SOS2: variants seen among roughly 807,000 people sequenced by gnomAD.
SOS2 encodes son of sevenless homolog 2.
In SOS2, 65 loss-of-function variants were observed where a neutral mutation model predicts 148.2. That is an observed-to-expected ratio of 0.44 (90% confidence interval 0.36 to 0.54). The LOEUF (loss-of-function observed/expected upper bound fraction) is 0.54. Among genes scored for constraint, SOS2 ranks in the 20% least tolerant of loss-of-function variants. The pLI, the probability that SOS2 is intolerant of heterozygous loss-of-function variation, is 0.00. For missense variants in SOS2, 1,341 were observed against 1,590.2 expected (o/e 0.84, Z 2.67); for synonymous variants, 539 against 537.1 (o/e 1.00, Z -0.05).
At chr14:50,201,361 T>C (rs1277237023) in intron 2 of SOS2, among the ~76,000 whole-genome samples, 1 of 151,788 alleles carries the variant, frequency 6.6e-6, no homozygotes, top group Non-Finnish European at 1.5e-5. Flanking sequence ...TGAAACCCCA[T>C]CTCTATTAAA....
Position 50,180,597 on chromosome 14 carries a change from C to A in SOS2, c.944G>T (p.Arg315Ile). The A allele has an allele frequency of 6.4e-7, 1 of 1,552,902 alleles. No homozygotes were observed. The highest frequency in any genetic ancestry group is 1.2e-5 in the South Asian group (1 of 86,594). ...FHEHFNKLMA[R>I]PAVALHFQSI... ...CTGAAAGTGTAGAGCAACTGCAGGTCTGGCCATCAATTTATTGAAATGTTC... is the reference window on the plus strand; with the variant it reads ...CTGAAAGTGTAGAGCAACTGCAGGTATGGCCATCAATTTATTGAAATGTTC... Residue 315 changes from arginine to isoleucine, a missense_variant, in exon 7 of 23, where the codon AGA becomes ATA. Coordinates refer to ENST00000216373, the MANE Select transcript of SOS2 (RefSeq NM_006939.4).
chr14:50,223,593 T>C (rs1431781060), intron 1 of SOS2, among the ~76,000 whole-genome samples: 2 of 151,984 alleles, frequency 1.3e-5, no homozygotes, highest in Non-Finnish European at 1.5e-5. Context: ...GAGAATCACT[T>C]GAACCTGAGA....
chr14:50,165,371 G>A (rs955213777), intron 8 of SOS2, among the ~76,000 whole-genome samples: 3 of 152,198 alleles, frequency 2.0e-5, no homozygotes, highest in South Asian at 2.1e-4. Flanking sequence ...CTAAGCATTT[G>A]TCTTTCATGA....
Position 50,231,370 on chromosome 14 carries a change from G to T in SOS2, c.-87C>A. ...GGCAGGGCGCGGGCCGCCTCGCCTCGCCGGCGGCCGCCGCCTCCCGCCCGG... is the reference window on the plus strand; with the variant it reads ...GGCAGGGCGCGGGCCGCCTCGCCTCTCCGGCGGCCGCCGCCTCCCGCCCGG... On this transcript the variant is annotated 5_prime_UTR_variant, in exon 1 of 23. Transcript: ENST00000216373. The T allele has an allele frequency of 2.6e-6, 1 of 378,796 alleles. No individual in the cohort carries two copies. Among genetic ancestry groups the T allele is most frequent in the Non-Finnish European group, 3.7e-6 (1 of 271,470 alleles). 23.5% of individuals were successfully genotyped at this position (378,796 alleles called of 1,614,324 possible).
At chr14:50,177,363 T>C (rs1885558295) in intron 7 of SOS2, among the ~76,000 whole-genome samples, 1 of 152,216 alleles carries the variant, frequency 6.6e-6, no homozygotes. Flanking sequence ...CTTCTAAAGA[T>C]GCTTTTTGTT....
chr14:50,123,468 G>A (rs559224258), intron 21 of SOS2, among the ~76,000 whole-genome samples: 4 of 137,208 alleles, frequency 2.9e-5, no homozygotes, highest in Admixed American at 1.7e-4. Context: ...TGCAACCTCC[G>A]CCTCCCGGAT....
intron 19 of SOS2, among the ~76,000 whole-genome samples, 185 bp downstream of exon 19, chr14:50,133,938 G>A (rs887973230): frequency 6.6e-6 from 1 of 151,790 alleles, no homozygotes; most frequent in Non-Finnish European, 1.5e-5. Flanking sequence ...ACCAAGATAA[G>A]GCATAAACCA....
chr14:50,225,504 A>G (rs1887341318), intron 1 of SOS2, among the ~76,000 whole-genome samples: 1 of 152,186 alleles, frequency 6.6e-6, no homozygotes, highest in Non-Finnish European at 1.5e-5. Context: ...TACCATACCA[A>G]AATTAAACCA....
At position 50,130,615 on chromosome 14, in the gene SOS2, C is replaced by G; in HGVS notation, c.3223G>C (p.Glu1075Gln). The change falls in exon 20 of 23, where the codon GAG (glutamate) becomes CAG (glutamine). Residue 1075 changes from glutamate to glutamine, a missense_variant. By Grantham distance (29) the Glu-to-Gln change is conservative. Coordinates refer to ENST00000216373, the MANE Select transcript of SOS2 (RefSeq NM_006939.4). ...KISFSRIAET[E>Q]LESTVSAPTS... ...GGTGCTGACACTGTTGATTCCAGCT[C>G]AGTTTCAGCAATCCGACTAAAGCTT... 6.2e-7 allele frequency: 1 copy of G among 1,614,140 alleles called. No homozygotes were observed. Among genetic ancestry groups the G allele is most frequent in the Non-Finnish European group, 8.5e-7 (1 of 1,180,010 alleles).
chr14:50,195,166 T>C (rs1448925696), intron 4 of SOS2, among the ~76,000 whole-genome samples: 4 of 152,148 alleles, frequency 2.6e-5, no homozygotes, highest in African/African-American at 9.7e-5. Context: ...TGTGGAACAG[T>C]CCTCGGGAGT....
intron 18 of SOS2, among the ~76,000 whole-genome samples, chr14:50,135,324 A>G (rs528302906): frequency 6.6e-6 from 1 of 151,610 alleles, no homozygotes; most frequent in East Asian, 1.9e-4. Context: ...TAAAATGTTT[A>G]AAATTTTTGT....
At chr14:50,181,071 C>T (rs1448507818) in intron 6 of SOS2, among the ~76,000 whole-genome samples, 2 of 152,248 alleles carry the variant, frequency 1.3e-5, no homozygotes, top group East Asian at 3.9e-4. Flanking sequence ...TGGAAGTGAA[C>T]GTGGCAAAGT....
At chr14:50,218,757 C>G (rs1164001070) in intron 1 of SOS2, among the ~76,000 whole-genome samples, 1 of 152,102 alleles carries the variant, frequency 6.6e-6, no homozygotes, top group East Asian at 1.9e-4. Context: ...AACAGGATCT[C>G]TTATATTGCT....
At chr14:50,149,920 A>G in intron 14 of SOS2, 88 bp downstream of exon 14, 1 of 913,314 alleles carries the variant, frequency 1.1e-6, no homozygotes, top group Non-Finnish European at 1.8e-6. Flanking sequence ...ATTTTTAAGC[A>G]CTCATGAATA....
chr14:50,199,893 C>CT, intron 3 of SOS2, 38 bp from the exon 4 acceptor site: 3 of 1,335,118 alleles, frequency 2.2e-6, no homozygotes, highest in Non-Finnish European at 3.1e-6. Context: ...CAAAATGTAG[C>CT]ACTGTCAAGT....
intron 18 of SOS2, among the ~76,000 whole-genome samples, chr14:50,136,271 T>C (rs370114768): frequency 2.0e-5 from 3 of 152,206 alleles, no homozygotes; most frequent in Admixed American, 1.3e-4. Context: ...GAAAAGTGAA[T>C]AGCTACTTTG....
intron 1 of SOS2, among the ~76,000 whole-genome samples, chr14:50,229,678 G>A (rs1268098082): frequency 6.6e-6 from 1 of 152,138 alleles, no homozygotes; most frequent in Non-Finnish European, 1.5e-5. Context: ...TCTGTTTCTG[G>A]ACATAAAGGA....
chr14:50,188,551 G>A lies in SOS2; in HGVS notation c.660C>T (p.Ile220=). ...GAAAGGCTTCTCGAAACACTTTTAT[G>A]ATCATATTTAATTCCCGTAGATACT... ...ERQYLRELNM[I]IKVFREAFLS... is the part of the protein sequence containing the mutation. Residue 220 remains isoleucine (I), a synonymous_variant, in exon 5 of 23, where the codon ATC becomes ATT. Transcript: ENST00000216373. The A allele has an allele frequency of 6.2e-7, 1 of 1,604,754 alleles. No individual in the cohort carries two copies. Among genetic ancestry groups the A allele is most frequent in the African/African-American group, 1.3e-5 (1 of 74,246 alleles).
intron 8 of SOS2, among the ~76,000 whole-genome samples, chr14:50,168,577 G>T (rs1004534235): frequency 6.6e-6 from 1 of 152,060 alleles, no homozygotes; most frequent in African/African-American, 2.4e-5. Flanking sequence ...TAGTCAGCTT[G>T]TTTTTTGTTG....
Sources: gnomAD v4.1 joint callset for allele counts (sites outside exome capture counted in the v4.1 genomes callset) on GRCh38, gnomAD v4.1.1 for gene constraint, MANE v1.5 for transcripts, NCBI Gene and HGNC (gene_info 2026-07-23, HGNC 2026-07-21) for gene names.